UPF2: variants seen among roughly 807,000 people sequenced by gnomAD.
The protein encoded by UPF2 is UPF2 regulator of nonsense mediated mRNA decay, also known as regulator of nonsense transcripts 2.
UPF2 carries 17 observed loss-of-function variants against 141.4 expected under a neutral mutation model. The observed-to-expected ratio is 0.12, with a 90% CI of 0.08 to 0.18. The LOEUF is 0.18. Among genes scored for constraint, UPF2 ranks in the 10% least tolerant of loss-of-function variants. The pLI is 1.00. For synonymous variants in UPF2, 540 were observed against 498.0 expected (o/e 1.08, Z -1.12); for missense variants, 1,152 against 1,515.9 (o/e 0.76, Z 3.99).
Position 12,014,246 on chromosome 10 carries a change from A to G in UPF2, c.1146-62T>C. The G allele has an allele frequency of 1.5e-6, 2 of 1,295,228 alleles. No homozygotes were observed. The highest frequency in any genetic ancestry group is 2.0e-6 in the Non-Finnish European group (2 of 1,008,022). 80.2% of individuals were successfully genotyped at this position (1,295,228 alleles called of 1,614,324 possible). A position where few individuals can be genotyped will look rare whatever the true frequency, so the allele number is the denominator to read the frequency against. On this transcript the variant is annotated intron_variant, in intron 3 of 21. Coordinates refer to ENST00000357604, the MANE Select transcript of UPF2 (RefSeq NM_015542.4). The surrounding 1 kb of genome is among the most constrained non-coding windows in gnomAD (Gnocchi z 5.0). Reference sequence around the variant, plus strand: ...AATAGATGTGATCACAAATTGTTATATATGGGAAACATTCCATAATTTGAT... The same window carrying G: ...AATAGATGTGATCACAAATTGTTATGTATGGGAAACATTCCATAATTTGAT...
intron 3 of UPF2, among the ~76,000 whole-genome samples, chr10:12,018,797 T>C (rs1484276328): frequency 6.6e-6 from 1 of 152,064 alleles, no homozygotes; most frequent in Middle Eastern, 3.2e-3. Flanking sequence ...CCTTTAGAAA[T>C]TCTAATGAAA....
At chr10:12,031,801 C>G (rs1834528963) in intron 2 of UPF2, among the ~76,000 whole-genome samples, 1 of 152,022 alleles carries the variant, frequency 6.6e-6, no homozygotes, top group South Asian at 2.1e-4. Flanking sequence ...ATCTATAAAT[C>G]TCTAAAAAAG....
chr10:11,952,661 A>C (rs993527322), intron 14 of UPF2, among the ~76,000 whole-genome samples: 3 of 151,786 alleles, frequency 2.0e-5, no homozygotes, highest in Non-Finnish European at 4.4e-5. Flanking sequence ...TTTTTAGTGG[A>C]GACGGGGTTT....
chr10:11,932,802 A>G (rs1048313836), intron 19 of UPF2, among the ~76,000 whole-genome samples: 2 of 152,220 alleles, frequency 1.3e-5, no homozygotes, highest in Non-Finnish European at 2.9e-5. Flanking sequence ...TGTAGCTAAA[A>G]TTAAAAAACA....
chr10:12,034,075 A>C (rs9424140), intron 2 of UPF2, among the ~76,000 whole-genome samples: 24,977 of 152,222 alleles, frequency 0.16, 2,514 homozygotes, highest in African/African-American at 0.28. Context: ...ACCTAGCTTT[A>C]AATCCCAACA....
intron 4 of UPF2, among the ~76,000 whole-genome samples, chr10:12,007,102 G>A (rs952998521): frequency 7.2e-5 from 11 of 152,158 alleles, no homozygotes; most frequent in Non-Finnish European, 1.3e-4. Flanking sequence ...AAAAGACTAA[G>A]ACAACTATGT....
intron 21 of UPF2, among the ~76,000 whole-genome samples, chr10:11,923,649 C>T (rs1404513647): frequency 4.1e-5 from 6 of 145,890 alleles, no homozygotes. Flanking sequence ...CACTGCACTC[C>T]GATATAGCGA....
At chr10:11,932,271 T>A (rs564378997) in intron 19 of UPF2, among the ~76,000 whole-genome samples, 1 of 152,282 alleles carries the variant, frequency 6.6e-6, no homozygotes, top group East Asian at 1.9e-4. Context: ...TCCCCCTTTT[T>A]AGGTTCCTGA....
intron 3 of UPF2, among the ~76,000 whole-genome samples, chr10:12,020,723 G>A (rs542392137): frequency 6.6e-6 from 1 of 152,248 alleles, no homozygotes; most frequent in South Asian, 2.1e-4. Context: ...TTACCTCAGA[G>A]TTACAGAACT....
intron 10 of UPF2, among the ~76,000 whole-genome samples, chr10:11,966,259 A>AG (rs969793396): frequency 4.6e-5 from 7 of 152,098 alleles, no homozygotes; most frequent in Admixed American, 3.3e-4. Context: ...TCAGCTACTG[A>AG]GAGGTGTTTT....
rs142759697 is a variant in UPF2 at position 11,960,568 on chromosome 10, T to C, written c.2185-1212A>G. 1.6e-4 allele frequency among the ~76,000 whole-genome samples: 24 copies of C among 149,154 alleles called. No homozygotes were observed. The East Asian group carries it at 4.6e-3, about 29-fold the overall frequency. ...GGGTGATGGAGTGAGACCCCACCTC[T>C]AAAATAAAAAATAACAGAATAAAAG... On this transcript the variant is annotated intron_variant, in intron 11 of 21. Transcript: ENST00000357604.
At chr10:12,031,636 C>T (rs1834525769) in intron 2 of UPF2, among the ~76,000 whole-genome samples, 3 of 152,116 alleles carry the variant, frequency 2.0e-5, no homozygotes, top group Admixed American at 2.0e-4. Flanking sequence ...ATTAGCTGGA[C>T]ATGGTGGCAC....
chr10:11,946,725 C>T (rs1174365691), intron 16 of UPF2, among the ~76,000 whole-genome samples: 1 of 152,182 alleles, frequency 6.6e-6, no homozygotes, highest in Non-Finnish European at 1.5e-5. Context: ...AAATCTCAGA[C>T]ATCCTTTTAT....
At chr10:12,024,605 G>A (rs986393667) in intron 3 of UPF2, among the ~76,000 whole-genome samples, 3 of 151,558 alleles carry the variant, frequency 2.0e-5, no homozygotes, top group Non-Finnish European at 2.9e-5. Flanking sequence ...GGGAAACCCC[G>A]TCTCGAAAAA....
chr10:11,955,355 G>C lies in UPF2; in HGVS notation c.2727C>G (p.Ser909=), dbSNP rs1194982929. 6.2e-7 allele frequency: 1 copy of C among 1,614,126 alleles called. No individual in the cohort carries two copies. The highest frequency in any genetic ancestry group is 1.7e-5 in the Admixed American group (1 of 60,020). Residue 909 remains serine (S), a synonymous_variant, in exon 14 of 22, where the codon TCC becomes TCG. Transcript: ENST00000357604. The part of the protein sequence containing the change: ...FGVNPDGSPS[S]LDPPEHLFRI... ...TGAAAAGATGCTCAGGTGGGTCCAG[G>C]GAACTTGGAGAGCCATCAGGATTAA...
Position 11,935,705 on chromosome 10 carries a change from G to A in UPF2, c.3546+840C>T, listed in dbSNP as rs534656498. 9.2e-5 allele frequency among the ~76,000 whole-genome samples: 14 copies of A among 152,278 alleles called. No individual in the cohort carries two copies. The highest frequency in any genetic ancestry group is 8.5e-4 in the Admixed American group (13 of 15,290). The stretch of plus-strand genomic sequence containing the variant: ...GTTTGTCTCTCTGCTCTCTCAGTAG[G>A]AGATAAGTTCCACAAGGGCAGGAAC... On this transcript the variant is annotated intron_variant, in intron 19 of 21. Coordinates refer to ENST00000357604, the MANE Select transcript of UPF2 (RefSeq NM_015542.4). The surrounding 1 kb of genome is among the most constrained non-coding windows in gnomAD (Gnocchi z 4.9).
chr10:12,036,550 T>TA (rs940868334), intron 1 of UPF2, among the ~76,000 whole-genome samples: 4 of 152,330 alleles, frequency 2.6e-5, no homozygotes, highest in African/African-American at 9.6e-5. Context: ...AGCATTGGCC[T>TA]ATAGTACAGG....
At chr10:11,970,967 C>T (rs768104923) in intron 9 of UPF2, among the ~76,000 whole-genome samples, 1 of 151,952 alleles carries the variant, frequency 6.6e-6, no homozygotes, top group Non-Finnish European at 1.5e-5. Flanking sequence ...GAGTATCACA[C>T]CATTTTAAGC....
At position 11,937,918 on chromosome 10, in the gene UPF2, T is replaced by C. The variant is rs138712671; in HGVS notation, c.3379-1206A>G. On this transcript the variant is annotated intron_variant, in intron 18 of 21. Coordinates refer to ENST00000357604, the MANE Select transcript of UPF2 (RefSeq NM_015542.4). ...ATTCAAAAGGATCACAATAGACAAA[T>C]CTTGATTTTTCTCCTTGATTATAAA... Among the ~76,000 whole-genome samples the C allele has an allele frequency of 1.6e-3, 243 of 152,308 alleles. 1 individual carries two copies. Among genetic ancestry groups the C allele is most frequent in the African/African-American group, 5.4e-3 (225 of 41,562 alleles).
Sources: allele counts gnomAD v4.1 joint callset (sites outside exome capture counted in the v4.1 genomes callset), GRCh38; gene constraint gnomAD v4.1.1; non-coding constraint Gnocchi (gnomAD v3.1); transcripts MANE v1.5; gene names NCBI Gene and HGNC (gene_info 2026-07-23, HGNC 2026-07-21).